SPAG9: variants seen among roughly 807,000 people sequenced by gnomAD.
SPAG9 encodes C-Jun-amino-terminal kinase-interacting protein 4.
Under a neutral mutation model 166.5 loss-of-function variants are expected in SPAG9, and 35 were observed. The observed-to-expected ratio is 0.21, with a 90% confidence interval of 0.16 to 0.28. SPAG9 has a LOEUF of 0.28. Ranked by LOEUF, SPAG9 falls within the 10% of genes least tolerant of loss-of-function variation. The probability of loss-of-function intolerance (pLI) is 1.00; values close to 1 mark genes in which losing one functional copy is unlikely to be tolerated. For missense variants in SPAG9, 1,235 were observed against 1,603.3 expected (o/e 0.77, Z 3.92); for synonymous variants, 534 against 565.5 (o/e 0.94, Z 0.79).
chr17:51,046,824 T>A, intron 4 of SPAG9: 2 of 1,533,230 alleles, frequency 1.3e-6, no homozygotes, highest in Non-Finnish European at 1.7e-6. Flanking sequence ...AGCGATGACG[T>A]CATTCCGTTC....
At chr17:50,967,304 T>C (rs1385577333) in intron 29 of SPAG9, among the ~76,000 whole-genome samples, 1 of 152,240 alleles carries the variant, frequency 6.6e-6, no homozygotes, top group African/African-American at 2.4e-5. Context: ...TAAAGATATA[T>C]TCCACTGATC....
At chr17:50,984,150 T>C (rs1974855467) in intron 24 of SPAG9, among the ~76,000 whole-genome samples, 2 of 152,104 alleles carry the variant, frequency 1.3e-5, no homozygotes, top group Admixed American at 6.5e-5. Context: ...ACTTAATTCA[T>C]TTAAGGTAGG....
chr17:51,022,821 A>G (rs56011719), intron 6 of SPAG9, among the ~76,000 whole-genome samples: 36,174 of 150,800 alleles, frequency 0.24, 5,178 homozygotes, highest in Admixed American at 0.34. Flanking sequence ...ATGGTGGCGC[A>G]TGCCTGCAAT....
rs886603826 is a variant in SPAG9 at position 50,964,682 on chromosome 17, T to C, written c.*1590A>G. On this transcript the variant is annotated 3_prime_UTR_variant, in exon 30 of 30. Coordinates refer to ENST00000262013, the MANE Select transcript of SPAG9 (RefSeq NM_001130528.3). ...TTCAAGAAGCTTGAGAGGGAAAAAATTGCAGCATCGTGGTTTTAAAAAACT... is the reference window on the plus strand; with the variant it reads ...TTCAAGAAGCTTGAGAGGGAAAAAACTGCAGCATCGTGGTTTTAAAAAACT... The C allele has an allele frequency of 1.6e-5, 7 of 442,474 alleles. 1 individual carries two copies. Among genetic ancestry groups the C allele is most frequent in the African/African-American group, 1.0e-4 (5 of 49,096 alleles). The allele number at this position is 442,474 out of a possible 1,614,324, so 27.4% of individuals were successfully genotyped here. A position where few individuals can be genotyped will look rare whatever the true frequency, so the allele number is the denominator to read the frequency against.
chr17:51,048,861 T>G (rs1463992273), intron 3 of SPAG9, among the ~76,000 whole-genome samples: 1 of 152,174 alleles, frequency 6.6e-6, no homozygotes, highest in Non-Finnish European at 1.5e-5. Flanking sequence ...TATAGTATCT[T>G]AAAATTTTTT....
At chr17:51,062,632 C>T (rs1362369799) in intron 2 of SPAG9, among the ~76,000 whole-genome samples, 2 of 152,078 alleles carry the variant, frequency 1.3e-5, no homozygotes, top group Non-Finnish European at 2.9e-5. Flanking sequence ...GCTCTTTCAC[C>T]CAGGCTGGAG....
At chr17:51,046,080 A>C (rs554078816) in intron 4 of SPAG9, among the ~76,000 whole-genome samples, 1 of 152,328 alleles carries the variant, frequency 6.6e-6, no homozygotes, top group East Asian at 1.9e-4. Flanking sequence ...CATTCAAAGG[A>C]TAATTAAAAC....
At chr17:50,966,459 G>T in intron 29 of SPAG9, 72 bp from the exon 30 acceptor site, 2 of 971,864 alleles carry the variant, frequency 2.1e-6, no homozygotes, top group Non-Finnish European at 3.3e-6. Context: ...CAGATGTAAT[G>T]CTCGTGGTTA....
intron 5 of SPAG9, among the ~76,000 whole-genome samples, chr17:51,035,656 C>T (rs191467926): frequency 2.0e-4 from 31 of 152,310 alleles, no homozygotes; most frequent in Non-Finnish European, 3.5e-4. Flanking sequence ...ACTGGCTTTA[C>T]ATACCAAACT....
Position 50,984,915 on chromosome 17 carries a change from C to T in SPAG9, c.3088+8G>A. 6.2e-7 allele frequency: 1 copy of T among 1,611,338 alleles called. No individual in the cohort carries two copies. Among genetic ancestry groups the T allele is most frequent in the Non-Finnish European group, 8.5e-7 (1 of 1,177,446 alleles). On this transcript the variant is annotated splice_region_variant and intron_variant, in intron 24 of 29. Transcript: ENST00000262013. ...TAGTGTCCATGTTATACACACATCA[C>T]CACTCACCCACTCCTCTGTGAAAGA...
chr17:51,041,090 T>C lies in SPAG9; in HGVS notation c.741+411A>G, dbSNP rs531986354. Among the ~76,000 whole-genome samples, 8 of 152,274 alleles carry C rather than the reference T, an allele frequency of 5.3e-5. No individual in the cohort carries two copies. In the East Asian group the frequency reaches 1.5e-3, roughly 29 times the overall value. On this transcript the variant is annotated intron_variant, in intron 5 of 29. Transcript: ENST00000262013. ...TGAAGCGGTTTTAAAGAAGGAACAG[T>C]GTGTTTGTTTTGTTTTGTTTTTCTG...
intron 1 of SPAG9, among the ~76,000 whole-genome samples, chr17:51,092,848 G>A (rs1180010446): frequency 1.3e-5 from 2 of 151,926 alleles, no homozygotes; most frequent in African/African-American, 2.4e-5. Context: ...TAAACTGGGA[G>A]GATTGCTTTA....
intron 6 of SPAG9, among the ~76,000 whole-genome samples, chr17:51,029,498 G>A (rs1314940413): frequency 6.6e-6 from 1 of 152,046 alleles, no homozygotes; most frequent in African/African-American, 2.4e-5. Context: ...ACAGCCATAA[G>A]GTGAAACCAA....
rs1239303415 is a variant in SPAG9 at position 50,996,367 on chromosome 17, AC to A, written c.1968+197del. On this transcript the variant is annotated intron_variant, in intron 16 of 29. Coordinates refer to ENST00000262013, the MANE Select transcript of SPAG9 (RefSeq NM_001130528.3). ...TTATTGACTCCTCCCCCCCTCACAG[AC>A]TCAGAGCATTTCATTTGAGTTCTAC... The A allele has an allele frequency of 1.3e-5, 8 of 595,346 alleles. 1 individual carries two copies. In the East Asian group the frequency reaches 2.0e-4, roughly 15 times the overall value. The allele number at this position is 595,346 out of a possible 1,614,324, so 36.9% of individuals were successfully genotyped here.
Position 51,036,602 on chromosome 17 carries a change from T to A in SPAG9, c.742-4880A>T, listed in dbSNP as rs545687696. The stretch of plus-strand genomic sequence containing the variant: ...TCCTCATCTGCTCAGGCTCTGACAC[T>A]CTATACCTGGGACCTCTCCTTGGGG... On this transcript the variant is annotated intron_variant, in intron 5 of 29. Coordinates refer to ENST00000262013, the MANE Select transcript of SPAG9 (RefSeq NM_001130528.3). Among the ~76,000 whole-genome samples the A allele has an allele frequency of 2.8e-4, 43 of 152,080 alleles. 1 individual carries two copies. The highest frequency in any genetic ancestry group is 1.2e-3 in the South Asian group (6 of 4,812).
intron 29 of SPAG9, among the ~76,000 whole-genome samples, chr17:50,970,502 G>A (rs1325783380): frequency 2.4e-4 from 31 of 126,758 alleles, no homozygotes; most frequent in Admixed American, 1.5e-3. Context: ...GACAGAGTGA[G>A]ACGTCATCTC....
At chr17:50,981,415 T>C (rs747725654) in intron 25 of SPAG9, among the ~76,000 whole-genome samples, 16 of 151,552 alleles carry the variant, frequency 1.1e-4, no homozygotes, top group South Asian at 2.1e-4. Flanking sequence ...GATGGATGGA[T>C]GGATGGATGG....
chr17:51,027,020 C>T (rs2046208682), intron 6 of SPAG9, among the ~76,000 whole-genome samples: 1 of 152,092 alleles, frequency 6.6e-6, no homozygotes, highest in Admixed American at 6.6e-5. Flanking sequence ...GTATCCCAGG[C>T]AGTGGTGACA....
intron 5 of SPAG9, 71 bp from the exon 6 acceptor site, chr17:51,031,793 T>C (rs2046393643): frequency 1.7e-5 from 18 of 1,088,346 alleles, no homozygotes; most frequent in Admixed American, 4.0e-5. Flanking sequence ...GCTGTAACTT[T>C]GGCTTGTACT....
Sources: allele counts gnomAD v4.1 joint callset (sites outside exome capture counted in the v4.1 genomes callset), GRCh38; gene constraint gnomAD v4.1.1; transcripts MANE v1.5; gene names NCBI Gene and HGNC (gene_info 2026-07-23, HGNC 2026-07-21).